The following SERPINI1 variants were observed in gnomAD, a reference collection of about 807,000 sequenced individuals.
SERPINI1 encodes the protein serpin family I member 1.
Under a neutral mutation model 41.1 loss-of-function variants are expected in SERPINI1, and 19 were observed. The ratio of observed to expected loss-of-function variants is 0.46; its 90% CI spans 0.32 to 0.68. SERPINI1 has a LOEUF of 0.68. Ranked by LOEUF, SERPINI1 falls within the 30% of genes least tolerant of loss-of-function variation. SERPINI1 has a pLI of 0.03. For synonymous variants in SERPINI1, 138 were observed against 156.6 expected, an observed-to-expected ratio of 0.88 and a Z score of 0.89; for missense variants, 460 against 479.2, an observed-to-expected ratio of 0.96 and a Z score of 0.37.
At chr3:167,822,953 G>GA (rs11284733) in intron 6 of SERPINI1, 33 bp from the exon 7 acceptor site, 11,915 of 1,121,380 alleles carry the variant, frequency 0.011, no homozygotes, top group Non-Finnish European at 0.013. Context: ...ATCTCTGAAT[G>GA]AAAAAAAAAA....
Position 167,789,421 on chromosome 3 carries a change from A to T in SERPINI1, c.250+43A>T, listed in dbSNP as rs749530635. On this transcript the variant is annotated intron_variant, in intron 2 of 8. Coordinates refer to ENST00000446050, the MANE Select transcript of SERPINI1 (RefSeq NM_001122752.2). ...TGATTTCTCAAGACTTTTGAATTTG[A>T]CTTTGACTCAGTTATGTTGTATTCT... The T allele has an allele frequency of 3.7e-6, 6 of 1,610,174 alleles. 1 individual carries two copies. Among genetic ancestry groups the T allele is most frequent in the South Asian group, 3.3e-5 (3 of 90,958 alleles).
rs767895300 is a variant in SERPINI1 at position 167,772,887 on chromosome 3, TATATATACACACAC to T, written c.-18-16222_-18-16209del. ...CTCTATATATATATATATATATATA[TATATATACACACAC>T]ACACACACACACACACACACATGCA... On this transcript the variant is annotated intron_variant, in intron 1 of 8. Coordinates refer to ENST00000446050, the MANE Select transcript of SERPINI1 (RefSeq NM_001122752.2). Among the ~76,000 whole-genome samples, 65 of 75,686 alleles carry T rather than the reference TATATATACACACAC, an allele frequency of 8.6e-4. 1 individual carries two copies. Among genetic ancestry groups the T allele is most frequent in the African/African-American group, 2.0e-3 (32 of 16,328 alleles). The allele number at this position is 75,686 out of a possible 152,430, so 49.7% of individuals were successfully genotyped here.
At chr3:167,768,909 C>T (rs1343339892) in intron 1 of SERPINI1, among the ~76,000 whole-genome samples, 1 of 152,134 alleles carries the variant, frequency 6.6e-6, no homozygotes, top group Non-Finnish European at 1.5e-5. Context: ...TGCTGCAGAC[C>T]AGCTTTTTTT....
intron 1 of SERPINI1, among the ~76,000 whole-genome samples, chr3:167,787,432 G>T (rs34635941): frequency 1.3e-5 from 2 of 152,268 alleles, no homozygotes; most frequent in Admixed American, 1.3e-4. Flanking sequence ...TATCACATGC[G>T]TCACCACGAG....
At chr3:167,810,018 C>T (rs1711811109) in intron 6 of SERPINI1, among the ~76,000 whole-genome samples, 1 of 152,120 alleles carries the variant, frequency 6.6e-6, no homozygotes. Flanking sequence ...TCCAGTATGC[C>T]ATCCACCCTA....
intron 5 of SERPINI1, among the ~76,000 whole-genome samples, chr3:167,805,773 C>G (rs998771013): frequency 6.6e-6 from 1 of 152,080 alleles, no homozygotes; most frequent in Non-Finnish European, 1.5e-5. Flanking sequence ...AGTCAGTTTT[C>G]GCAGCACCAT....
intron 1 of SERPINI1, among the ~76,000 whole-genome samples, chr3:167,766,224 T>TAAAAA (rs34346585): frequency 4.8e-5 from 6 of 126,116 alleles, no homozygotes; most frequent in Admixed American, 1.6e-4. Context: ...GCAATTTACC[T>TAAAAA]AAAAAAAAAA....
chr3:167,788,905 G>A (rs187096388), intron 1 of SERPINI1, among the ~76,000 whole-genome samples: 1 of 152,278 alleles, frequency 6.6e-6, no homozygotes, highest in East Asian at 1.9e-4. Flanking sequence ...ATTACTTGTT[G>A]TATAAGTAAC....
chr3:167,743,566 G>A (rs892778668), intron 1 of SERPINI1, among the ~76,000 whole-genome samples: 1 of 152,030 alleles, frequency 6.6e-6, no homozygotes, highest in Non-Finnish European at 1.5e-5. Flanking sequence ...TACCCTAGGT[G>A]AATGGCTTTA....
chr3:167,794,554 A>G, intron 4 of SERPINI1, 66 bp from the exon 5 acceptor site: 1 of 1,355,426 alleles, frequency 7.4e-7, no homozygotes, highest in Non-Finnish European at 1.0e-6. Context: ...GTAGTCTTTC[A>G]TCTCTCGCCC....
In SERPINI1 at chr3:167,744,900, G is replaced by A. The variant is rs75535395; in HGVS notation, c.-19+9077G>A. Among the ~76,000 whole-genome samples, 1,315 of 140,020 alleles carry A rather than the reference G, an allele frequency of 9.4e-3. 27 individuals carry two copies. The East Asian group carries it at 0.098, about 10-fold the overall frequency. 91.9% of individuals were successfully genotyped at this position (140,020 alleles called of 152,430 possible). On this transcript the variant is annotated intron_variant, in intron 1 of 8. Coordinates refer to ENST00000446050, the MANE Select transcript of SERPINI1 (RefSeq NM_001122752.2). ...ATATATCAACTGAATAGCTTATTGA[G>A]TATTGAAGGGTGCCAAGCCAGTCAG... is the stretch of plus-strand genomic sequence containing the variant.
chr3:167,784,307 T>C (rs1297341955), intron 1 of SERPINI1, among the ~76,000 whole-genome samples: 1 of 152,204 alleles, frequency 6.6e-6, no homozygotes, highest in Non-Finnish European at 1.5e-5. Context: ...AAAGAGCCAC[T>C]GTAATATTAA....
intron 1 of SERPINI1, among the ~76,000 whole-genome samples, chr3:167,763,693 G>A (rs187844095): frequency 5.9e-5 from 9 of 152,144 alleles, no homozygotes; most frequent in South Asian, 2.1e-4. Context: ...TGAAATATCC[G>A]TTAAAAATAC....
Position 167,818,512 on chromosome 3 carries a change from T to C in SERPINI1, c.980-4474T>C, listed in dbSNP as rs59477384. Among the ~76,000 whole-genome samples, 1,327 of 152,290 alleles carry C rather than the reference T, an allele frequency of 8.7e-3. 18 individuals carry two copies. Among genetic ancestry groups the C allele is most frequent in the African/African-American group, 0.031 (1,275 of 41,548 alleles). On this transcript the variant is annotated intron_variant, in intron 6 of 8. Coordinates refer to ENST00000446050, the MANE Select transcript of SERPINI1 (RefSeq NM_001122752.2). ...GATAAAAAATTATTTTCCATATTCTTGGGTATGTTCTTTTTTTGCTCTTAA... is the reference window on the plus strand; with the variant it reads ...GATAAAAAATTATTTTCCATATTCTCGGGTATGTTCTTTTTTTGCTCTTAA...
rs758940643 is a variant in SERPINI1, at chr3:167,807,329, A to G, written c.967A>G (p.Thr323Ala). The G allele has an allele frequency of 5.6e-6, 9 of 1,603,328 alleles. No individual in the cohort carries two copies. The highest frequency in any genetic ancestry group is 2.2e-5 in the East Asian group (1 of 44,692). Residue 323 changes from threonine to alanine, a missense_variant, in exon 6 of 9, where the codon ACA (threonine) becomes GCA (alanine). Coordinates refer to ENST00000446050, the MANE Select transcript of SERPINI1 (RefSeq NM_001122752.2). Reference protein sequence around the residue: ...TEIFIKDANLTGLSDNKEIFL... With the variant: ...TEIFIKDANLAGLSDNKEIFL... ...AATTTTCATCAAAGATGCAAATTTG[A>G]CAGGCCTCTCTGGTAAGAAATAAAC...
At chr3:167,807,392 T>A in intron 6 of SERPINI1, 51 bp downstream of exon 6, 1 of 1,142,984 alleles carries the variant, frequency 8.7e-7, no homozygotes, top group Non-Finnish European at 1.3e-6. Flanking sequence ...AGAGCTTTAT[T>A]AAATGATGAT....
At chr3:167,802,136 T>C (rs1727919660) in intron 5 of SERPINI1, among the ~76,000 whole-genome samples, 1 of 151,972 alleles carries the variant, frequency 6.6e-6, no homozygotes, top group African/African-American at 2.4e-5. Context: ...CAAGATGGAT[T>C]AAAGACTTAA....
At chr3:167,767,081 T>G (rs1170890432) in intron 1 of SERPINI1, among the ~76,000 whole-genome samples, 2 of 152,248 alleles carry the variant, frequency 1.3e-5, no homozygotes, top group South Asian at 2.1e-4. Flanking sequence ...GCTGGAGAGA[T>G]AAAGTCAATG....
chr3:167,790,578 A>G lies in SERPINI1; in HGVS notation c.457A>G (p.Lys153Glu), dbSNP rs1261677709. ...TGTAGCCGTGGCCAACTACATCAAT[A>G]AGTGGGTGGAGAATAACACAAACAG... Reference protein sequence around the residue: ...QNVAVANYINKWVENNTNNLV... With the variant: ...QNVAVANYINEWVENNTNNLV... The change falls in exon 3 of 9, where the codon AAG becomes GAG. Residue 153 changes from lysine to glutamate, a missense_variant. Coordinates refer to ENST00000446050, the MANE Select transcript of SERPINI1 (RefSeq NM_001122752.2). 1 of 1,613,372 alleles carries G rather than the reference A, an allele frequency of 6.2e-7. No individual in the cohort carries two copies. The highest frequency in any genetic ancestry group is 1.7e-5 in the Admixed American group (1 of 59,942).
Sources: allele counts gnomAD v4.1 joint callset (sites outside exome capture counted in the v4.1 genomes callset), GRCh38; gene constraint gnomAD v4.1.1; transcripts MANE v1.5; gene names NCBI Gene and HGNC (gene_info 2026-07-23, HGNC 2026-07-21).